Variants in SNX3 observed in about 807,000 individuals in gnomAD.
SNX3 encodes the protein sorting nexin 3.
SNX3 carries 5 observed loss-of-function variants against 17.7 expected under a neutral mutation model. That is an observed-to-expected ratio of 0.28 (90% CI 0.15 to 0.59). The LOEUF is 0.59. Among genes scored for constraint, SNX3 ranks in the 20% least tolerant of loss-of-function variants. The pLI is 0.88. For missense variants in SNX3, 132 were observed against 206.8 expected (o/e 0.64, Z 2.22); for synonymous variants, 91 against 76.5 (o/e 1.19, Z -0.99).
intron 1 of SNX3, among the ~76,000 whole-genome samples, chr6:108,236,440 G>A (rs965910599): frequency 6.8e-6 from 1 of 146,000 alleles, no homozygotes; most frequent in Non-Finnish European, 1.5e-5. Context: ...CTGGAGTGCA[G>A]TGGCGGGATC....
chr6:108,231,192 C>T (rs1472603085), intron 1 of SNX3, among the ~76,000 whole-genome samples: 4 of 151,908 alleles, frequency 2.6e-5, no homozygotes, highest in Non-Finnish European at 4.4e-5. Flanking sequence ...GCAACCTCCG[C>T]CTCCTGCCTC....
intron 1 of SNX3, among the ~76,000 whole-genome samples, chr6:108,250,678 T>G (rs1407142602): frequency 3.9e-5 from 6 of 152,088 alleles, no homozygotes; most frequent in Non-Finnish European, 8.8e-5. Flanking sequence ...GCTTTGAGAC[T>G]CCTCTGTTTC....
At chr6:108,245,681 T>C (rs1775666918) in intron 1 of SNX3, among the ~76,000 whole-genome samples, 1 of 152,266 alleles carries the variant, frequency 6.6e-6, no homozygotes, top group African/African-American at 2.4e-5. Flanking sequence ...CATTGTAGTT[T>C]TGATTTGCAT....
chr6:108,221,270 GT>G (rs201899281), intron 2 of SNX3, among the ~76,000 whole-genome samples: 74 of 140,842 alleles, frequency 5.3e-4, no homozygotes, highest in African/African-American at 1.4e-3. Context: ...GTTTAGCTTT[GT>G]TTTTTTTTTT....
chr6:108,240,046 T>A (rs1035680465), intron 1 of SNX3, among the ~76,000 whole-genome samples: 2 of 152,074 alleles, frequency 1.3e-5, no homozygotes, highest in African/African-American at 2.4e-5. Context: ...AATAGTAGAG[T>A]GAGCTCAACA....
At chr6:108,238,777 G>A (rs1775430312) in intron 1 of SNX3, among the ~76,000 whole-genome samples, 1 of 152,100 alleles carries the variant, frequency 6.6e-6, no homozygotes, top group African/African-American at 2.4e-5. Context: ...TATCACTTTT[G>A]TAGTGGAAGT....
chr6:108,225,875 T>A (rs1315332121), intron 1 of SNX3, among the ~76,000 whole-genome samples: 2 of 151,144 alleles, frequency 1.3e-5, no homozygotes, highest in Non-Finnish European at 3.0e-5. Context: ...CTACAAAAAA[T>A]AAAATAAATT....
intron 3 of SNX3, 148 bp from the exon 4 acceptor site, chr6:108,212,402 G>C (rs1774433763): frequency 1.8e-6 from 1 of 569,828 alleles, no homozygotes; most frequent in Non-Finnish European, 3.0e-6. Context: ...TGCAGTGGCT[G>C]ATCTTGGCTC....
At chr6:108,220,909 A>G (rs1348625749) in intron 2 of SNX3, among the ~76,000 whole-genome samples, 8 of 151,828 alleles carry the variant, frequency 5.3e-5, no homozygotes, top group Non-Finnish European at 1.0e-4. Context: ...TGAACCCCGG[A>G]GATGGAGGTT....
chr6:108,258,001 CAA>C (rs1321801430), intron 1 of SNX3, among the ~76,000 whole-genome samples: 2 of 151,998 alleles, frequency 1.3e-5, no homozygotes, highest in Non-Finnish European at 2.9e-5. Context: ...GAAAGAAATC[CAA>C]AGTCATTTCA....
At chr6:108,246,310 ATTCT>A (rs1775687094) in intron 1 of SNX3, among the ~76,000 whole-genome samples, 1 of 98,548 alleles carries the variant, frequency 1.0e-5, no homozygotes, top group East Asian at 2.8e-4. Context: ...AGCTTTGAGC[ATTCT>A]TTTTTTTTTT....
chr6:108,214,710 A>G (rs1774510923), intron 2 of SNX3, 88 bp from the exon 3 acceptor site: 4 of 1,366,784 alleles, frequency 2.9e-6, no homozygotes, highest in Non-Finnish European at 1.0e-6. Flanking sequence ...GCATGTCCTC[A>G]CTATGACAGC....
Position 108,224,381 on chromosome 6 carries a change from C to A in SNX3, c.163-1336G>T, listed in dbSNP as rs147015098. ...CTGAGATCTCCGCCGCCTGGGTTCA[C>A]GCCATTCTCCTGCCTCAGCCTCCCA... On this transcript the variant is annotated intron_variant, in intron 1 of 3. Transcript: ENST00000230085. Among the ~76,000 whole-genome samples the A allele has an allele frequency of 6.6e-5, 10 of 152,210 alleles. No individual in the cohort carries two copies. The East Asian group carries it at 1.7e-3, about 26-fold the overall frequency.
At chr6:108,259,453 G>A (rs140922000) in intron 1 of SNX3, among the ~76,000 whole-genome samples, 3,240 of 152,162 alleles carry the variant, frequency 0.021, 45 homozygotes, top group Middle Eastern at 0.075. Flanking sequence ...GGCTGGTGTC[G>A]AACTCCTGAC....
intron 1 of SNX3, among the ~76,000 whole-genome samples, chr6:108,233,337 C>T (rs1374830297): frequency 1.3e-5 from 2 of 152,192 alleles, no homozygotes; most frequent in East Asian, 3.8e-4. Flanking sequence ...ATAAAACTGT[C>T]TATTAATAGT....
At chr6:108,259,814 CAT>C (rs1352422373) in intron 1 of SNX3, among the ~76,000 whole-genome samples, 1 of 152,108 alleles carries the variant, frequency 6.6e-6, no homozygotes, top group African/African-American at 2.4e-5. Flanking sequence ...AGTAGCTTGT[CAT>C]ATAAATTTTG....
rs538663989 is a variant in SNX3 at position 108,230,601 on chromosome 6, G to A, written c.163-7556C>T. On this transcript the variant is annotated intron_variant, in intron 1 of 3. Transcript: ENST00000230085. Reference sequence around the variant, plus strand: ...TACTAGTAAATGCTGAAGATTCTGAGTTTGAGTAACCCTGGACTACTTTAG... The same window carrying A: ...TACTAGTAAATGCTGAAGATTCTGAATTTGAGTAACCCTGGACTACTTTAG... Among the ~76,000 whole-genome samples, 106 of 152,276 alleles carry A rather than the reference G, an allele frequency of 7.0e-4. 3 individuals are homozygous for A. The South Asian group carries it at 0.022, about 31-fold the overall frequency.
intron 1 of SNX3, among the ~76,000 whole-genome samples, chr6:108,230,193 T>C (rs958996243): frequency 1.4e-4 from 21 of 152,092 alleles, no homozygotes; most frequent in Admixed American, 1.4e-3. Flanking sequence ...TAAATATTGT[T>C]AACTTACTTT....
chr6:108,255,279 T>C (rs1353204534), intron 1 of SNX3, among the ~76,000 whole-genome samples: 1 of 152,216 alleles, frequency 6.6e-6, no homozygotes, highest in Admixed American at 6.5e-5. Context: ...CAACATCTCA[T>C]TGGCCAATTG....
Sources: gnomAD v4.1 joint callset for allele counts (sites outside exome capture counted in the v4.1 genomes callset) on GRCh38, gnomAD v4.1.1 for gene constraint, MANE v1.5 for transcripts, NCBI Gene and HGNC (gene_info 2026-07-23, HGNC 2026-07-21) for gene names.